SEMA5A: variants seen among roughly 807,000 people sequenced by gnomAD.
The protein encoded by SEMA5A is semaphorin 5A.
A neutral mutation model predicts 135.5 loss-of-function variants in SEMA5A; 55 were observed. That is an observed-to-expected ratio of 0.41 (90% CI 0.33 to 0.51). SEMA5A has a LOEUF of 0.51. Ranked by LOEUF, SEMA5A falls within the 20% of genes least tolerant of loss-of-function variation. The pLI is 0.37. For synonymous variants in SEMA5A, 580 were observed against 546.5 expected, an observed-to-expected ratio of 1.06 and a Z score of -0.85; for missense variants, 1,290 against 1,419.9, an observed-to-expected ratio of 0.91 and a Z score of 1.47.
chr5:9,386,947 G>T (rs1172772335), intron 2 of SEMA5A, among the ~76,000 whole-genome samples: 1 of 152,206 alleles, frequency 6.6e-6, no homozygotes, highest in Non-Finnish European at 1.5e-5. Context: ...TCTGAGACAA[G>T]AAATGAGTCA....
At chr5:9,342,953 C>T (rs1386904878) in intron 3 of SEMA5A, among the ~76,000 whole-genome samples, 1 of 152,006 alleles carries the variant, frequency 6.6e-6, no homozygotes, top group Non-Finnish European at 1.5e-5. Context: ...CTATACAGCA[C>T]ATTTGGAAAA....
intron 1 of SEMA5A, among the ~76,000 whole-genome samples, chr5:9,482,878 A>G (rs1759929440): frequency 6.6e-6 from 1 of 152,224 alleles, no homozygotes; most frequent in Non-Finnish European, 1.5e-5. Flanking sequence ...CTGATCATTT[A>G]GTCTCAGAAA....
At chr5:9,475,331 T>G (rs1367482897) in intron 1 of SEMA5A, among the ~76,000 whole-genome samples, 3 of 152,204 alleles carry the variant, frequency 2.0e-5, no homozygotes, top group African/African-American at 7.2e-5. Context: ...CATCTCAAGT[T>G]TAATTATGTA....
intron 3 of SEMA5A, among the ~76,000 whole-genome samples, chr5:9,369,339 G>A (rs1335398610): frequency 6.6e-6 from 1 of 152,108 alleles, no homozygotes; most frequent in African/African-American, 2.4e-5. Flanking sequence ...AAGAGAAAAT[G>A]CTTTTCATTT....
intron 16 of SEMA5A, among the ~76,000 whole-genome samples, chr5:9,093,650 T>C (rs1401172892): frequency 6.6e-6 from 1 of 151,548 alleles, no homozygotes; most frequent in Non-Finnish European, 1.5e-5. Context: ...GAGCTTGCAG[T>C]GAACTGAGAT....
intron 12 of SEMA5A, among the ~76,000 whole-genome samples, chr5:9,153,491 A>G (rs995305108): frequency 4.6e-5 from 7 of 152,096 alleles, no homozygotes; most frequent in Non-Finnish European, 8.8e-5. Context: ...CTGAGGGTGA[A>G]GGAAGATGCA....
chr5:9,306,396 AT>A (rs545618563), intron 5 of SEMA5A, among the ~76,000 whole-genome samples: 4 of 152,058 alleles, frequency 2.6e-5, no homozygotes, highest in South Asian at 2.1e-4. Context: ...CTAATACAAT[AT>A]TTTTTTTCTG....
intron 17 of SEMA5A, 45 bp downstream of exon 17, chr5:9,066,376 G>A: frequency 6.4e-7 from 1 of 1,567,248 alleles, no homozygotes. Context: ...AAGATCAAAG[G>A]CCCTTCCATG....
chr5:9,221,506 G>C (rs533349641), intron 8 of SEMA5A, among the ~76,000 whole-genome samples: 6 of 150,244 alleles, frequency 4.0e-5, no homozygotes, highest in East Asian at 2.0e-4. Flanking sequence ...GTTTCACAGT[G>C]TTAGCCAGGA....
At chr5:9,246,472 G>T (rs1348368152) in intron 5 of SEMA5A, among the ~76,000 whole-genome samples, 2 of 151,894 alleles carry the variant, frequency 1.3e-5, no homozygotes, top group Non-Finnish European at 2.9e-5. Flanking sequence ...ACATCACATG[G>T]ATGATGCCAT....
At chr5:9,370,046 G>A (rs1277949627) in intron 3 of SEMA5A, among the ~76,000 whole-genome samples, 1 of 152,132 alleles carries the variant, frequency 6.6e-6, no homozygotes, top group Non-Finnish European at 1.5e-5. Context: ...GGTAACCCTA[G>A]TAACTAAAAC....
chr5:9,114,280 G>T (rs190338701), intron 15 of SEMA5A, among the ~76,000 whole-genome samples: 3 of 152,262 alleles, frequency 2.0e-5, no homozygotes, highest in East Asian at 3.9e-4. Context: ...TAAATTAGAG[G>T]TTATCAGGGG....
intron 16 of SEMA5A, among the ~76,000 whole-genome samples, chr5:9,097,370 T>C (rs923517337): frequency 2.0e-5 from 3 of 152,210 alleles, no homozygotes; most frequent in Admixed American, 2.0e-4. Context: ...AAACCTCTCT[T>C]AATACTATGA....
intron 4 of SEMA5A, among the ~76,000 whole-genome samples, chr5:9,333,956 A>G (rs961953303): frequency 7.2e-5 from 11 of 152,128 alleles, no homozygotes; most frequent in Admixed American, 7.2e-4. Flanking sequence ...CATTTAACAT[A>G]ATACGAAAGT....
chr5:9,141,519 C>T (rs1742064723), intron 12 of SEMA5A, among the ~76,000 whole-genome samples: 1 of 152,094 alleles, frequency 6.6e-6, no homozygotes, highest in African/African-American at 2.4e-5. Flanking sequence ...TTGAAAGTAT[C>T]TGAATTTAGA....
chr5:9,409,573 C>T (rs985977309), intron 2 of SEMA5A, among the ~76,000 whole-genome samples: 1 of 152,178 alleles, frequency 6.6e-6, no homozygotes, highest in Admixed American at 6.5e-5. Flanking sequence ...CCTTTACCTG[C>T]GTGTGCTGGA....
chr5:9,235,817 G>A (rs1425621241), intron 6 of SEMA5A, among the ~76,000 whole-genome samples: 1 of 152,188 alleles, frequency 6.6e-6, no homozygotes, highest in Non-Finnish European at 1.5e-5. Flanking sequence ...AAAGAGTTGA[G>A]AAAAAGCAAG....
intron 13 of SEMA5A, among the ~76,000 whole-genome samples, chr5:9,131,374 C>T (rs959873899): frequency 1.6e-4 from 25 of 151,946 alleles, no homozygotes; most frequent in Admixed American, 1.3e-3. Flanking sequence ...TTTGGGAGGC[C>T]GAGGCGGGTG....
chr5:9,073,678 T>C (rs1160820196), intron 16 of SEMA5A, among the ~76,000 whole-genome samples: 1 of 152,108 alleles, frequency 6.6e-6, no homozygotes, highest in African/African-American at 2.4e-5. Flanking sequence ...TTTACTCTCA[T>C]ACAATATGAT....
Sources: allele counts gnomAD v4.1 joint callset (sites outside exome capture counted in the v4.1 genomes callset), GRCh38; gene constraint gnomAD v4.1.1; transcripts MANE v1.5; gene names NCBI Gene and HGNC (gene_info 2026-07-23, HGNC 2026-07-21).